XIST: variants seen among roughly 807,000 people sequenced by gnomAD.
XIST encodes X inactive specific transcript (non-protein coding).
exon 1 of XIST, chrX:73,850,966 T>A (rs1344803171): frequency 1.8e-6 from 1 of 559,063 alleles, no homozygotes; most frequent in Admixed American, 2.2e-5. Context: ...CTGGGAGACA[T>A]ACACGTGGCC....
At chrX:73,850,735 TG>T in exon 1 of XIST, 1 of 114,944 alleles carries the variant, frequency 8.7e-6, no homozygotes, top group Non-Finnish European at 1.6e-5. Flanking sequence ...GGGTGGGGGG[TG>T]GGGGTGGGGA....
exon 1 of XIST, chrX:73,844,234 CTTTG>C (rs1055588873): frequency 1.8e-6 from 1 of 558,661 alleles, no homozygotes; most frequent in African/African-American, 2.2e-5. Flanking sequence ...GAAGGTAGAA[CTTTG>C]TTTAATTAGG....
At chrX:73,827,006 G>A (rs1400971274) in exon 6 of XIST, 1 of 558,712 alleles carries the variant, frequency 1.8e-6, no homozygotes, top group African/African-American at 2.2e-5. Context: ...GTTGGTTTCA[G>A]GCCTGAGGCT....
At chrX:73,825,890 T>A (rs756071066) in exon 6 of XIST, 2 of 558,646 alleles carry the variant, frequency 3.6e-6, no homozygotes, top group Non-Finnish European at 6.5e-6. Context: ...AAGAAAAAAA[T>A]CAAGGAAAGT....
exon 1 of XIST, chrX:73,844,702 TCA>T (rs1190581871): frequency 1.8e-6 from 1 of 555,351 alleles, no homozygotes; most frequent in African/African-American, 2.3e-5. Flanking sequence ...ACAAATATAA[TCA>T]CACACATAAC....
chrX:73,835,438 G>C (rs957617140), intron 2 of XIST, among the ~76,000 whole-genome samples: 2 of 112,103 alleles, frequency 1.8e-5, no homozygotes, highest in African/African-American at 6.5e-5. Context: ...TTGGTGAAGT[G>C]CATCAACACA....
At chrX:73,823,229 C>T (rs1482965810) in exon 6 of XIST, 5 of 529,629 alleles carry the variant, frequency 9.4e-6, no homozygotes, top group Non-Finnish European at 1.4e-5. Context: ...TTAAACTAAG[C>T]CAATGAGGAA....
rs777302218 is a variant in XIST, at chrX:73,852,697, C to G, written n.27G>C. ...TCTTCAGTCAGGAAGCTTCCAGCCC[C>G]GAGAGAGTAAGAAATATGGCTGCAG... On this transcript the variant is annotated non_coding_transcript_exon_variant, in exon 1 of 6. Transcript: ENST00000429829. 43 of 442,325 alleles carry G rather than the reference C, an allele frequency of 9.7e-5. No homozygotes were observed. The East Asian group carries it at 1.5e-3, about 16-fold the overall frequency. The allele number at this position is 442,325 out of a possible 1,213,427, so 36.5% of individuals were successfully genotyped here.
exon 1 of XIST, chrX:73,848,573 T>C (rs759224068): frequency 1.8e-5 from 10 of 556,027 alleles, no homozygotes; most frequent in East Asian, 3.3e-5. Context: ...GCAAATAGGA[T>C]ACAGAGTCCC....
chrX:73,851,443 CATG>C, exon 1 of XIST: 1 of 559,215 alleles, frequency 1.8e-6, no homozygotes. Context: ...CCTCGCCCAT[CATG>C]ATGTGGCCTT....
rs763738472 is a variant in XIST, at chrX:73,843,056, T to C, written n.9668A>G. 2.0e-5 allele frequency: 11 copies of C among 556,663 alleles called. No homozygotes were observed. Among genetic ancestry groups the C allele is most frequent in the Admixed American group, 8.9e-5 (4 of 44,794 alleles). 45.9% of individuals were successfully genotyped at this position (556,663 alleles called of 1,213,427 possible). A position where few individuals can be genotyped will look rare whatever the true frequency, so the allele number is the denominator to read the frequency against. On this transcript the variant is annotated non_coding_transcript_exon_variant, in exon 1 of 6. Coordinates refer to ENST00000429829, the Ensembl canonical transcript of XIST. ...AGTGCATGGAATACTCCAATGCTTATACTTTATTATGCCATGGGAAACTAA... is the reference window on the plus strand; with the variant it reads ...AGTGCATGGAATACTCCAATGCTTACACTTTATTATGCCATGGGAAACTAA...
At chrX:73,850,957 T>G in exon 1 of XIST, 1 of 559,167 alleles carries the variant, frequency 1.8e-6, no homozygotes, top group Non-Finnish European at 3.2e-6. Context: ...TACCGCCCAC[T>G]GGGAGACATA....
intron 1 of XIST, among the ~76,000 whole-genome samples, chrX:73,838,280 A>C (rs1289912313): frequency 1.8e-5 from 2 of 111,226 alleles, no homozygotes; most frequent in Non-Finnish European, 3.8e-5. Flanking sequence ...GTGATGTTCC[A>C]GTCATATCCC....
chrX:73,839,618 T>G (rs1922550381), intron 1 of XIST, among the ~76,000 whole-genome samples: 1 of 111,277 alleles, frequency 9.0e-6, no homozygotes, highest in Non-Finnish European at 1.9e-5. Context: ...AATCCTGTCT[T>G]TGGTTTTGCT....
intron 3 of XIST, among the ~76,000 whole-genome samples, chrX:73,832,160 C>T (rs1321009899): frequency 9.0e-6 from 1 of 111,340 alleles, no homozygotes; most frequent in Non-Finnish European, 1.9e-5. Context: ...CATGGAGAAA[C>T]CCCGTCTCTA....
chrX:73,842,863 T>G, exon 1 of XIST: 1 of 558,120 alleles, frequency 1.8e-6, no homozygotes, highest in Non-Finnish European at 3.2e-6. Context: ...GCTGCAAATA[T>G]GGACACCTGA....
At chrX:73,827,363 G>A (rs751370249) in exon 6 of XIST, 17 of 556,471 alleles carry the variant, frequency 3.1e-5, no homozygotes, top group Non-Finnish European at 4.5e-5. Flanking sequence ...CAAAGAGAGG[G>A]AGATAGATTC....
chrX:73,837,457 G>A, exon 2 of XIST: 1 of 502,700 alleles, frequency 2.0e-6, no homozygotes, highest in Non-Finnish European at 3.6e-6. Flanking sequence ...AGCCTAAGGA[G>A]ACATGACTAC....
chrX:73,821,987 G>C (rs1221164898), exon 6 of XIST: 1 of 558,464 alleles, frequency 1.8e-6, no homozygotes, highest in Non-Finnish European at 3.2e-6. Flanking sequence ...TGCGTTATCT[G>C]AGGATTGTTT....
Sources: allele counts gnomAD v4.1 joint callset (sites outside exome capture counted in the v4.1 genomes callset), GRCh38; gene constraint gnomAD v4.1.1; transcripts MANE v1.5; gene names NCBI Gene and HGNC (gene_info 2026-07-23, HGNC 2026-07-21).